The following HS6ST3 variants were observed in gnomAD, a reference collection of about 807,000 sequenced individuals.
HS6ST3 encodes heparan sulfate 6-O-sulfotransferase 3, also known as heparan-sulfate 6-O-sulfotransferase 3.
In HS6ST3, 12 loss-of-function variants were observed where a neutral mutation model predicts 36.7. That is an observed-to-expected ratio of 0.33 (90% CI 0.21 to 0.53). The LOEUF is 0.53. HS6ST3 is among the 20% of genes least tolerant of loss of function. HS6ST3 has a pLI of 0.95. For synonymous variants in HS6ST3, 240 were observed against 257.5 expected, an observed-to-expected ratio of 0.93 and a Z score of 0.65; for missense variants, 584 against 640.9, an observed-to-expected ratio of 0.91 and a Z score of 0.96.
At chr13:96,461,225 G>A (rs2055782540) in intron 1 of HS6ST3, among the ~76,000 whole-genome samples, 1 of 152,158 alleles carries the variant, frequency 6.6e-6, no homozygotes, top group African/African-American at 2.4e-5. Flanking sequence ...GTATTTTTAT[G>A]TGCCAGACGT....
At chr13:96,525,091 A>C (rs1276531384) in intron 1 of HS6ST3, among the ~76,000 whole-genome samples, 7 of 151,894 alleles carry the variant, frequency 4.6e-5, no homozygotes, top group Non-Finnish European at 8.8e-5. Flanking sequence ...TTATCATCTG[A>C]ATAATTTTTT....
intron 1 of HS6ST3, among the ~76,000 whole-genome samples, chr13:96,146,314 A>T (rs1371019708): frequency 2.0e-5 from 3 of 151,984 alleles, no homozygotes; most frequent in Non-Finnish European, 2.9e-5. Flanking sequence ...GTTTGTTTGT[A>T]TCCTCTTTTA....
At chr13:96,827,457 T>C (rs1448003799) in intron 1 of HS6ST3, among the ~76,000 whole-genome samples, 1 of 152,216 alleles carries the variant, frequency 6.6e-6, no homozygotes, top group African/African-American at 2.4e-5. Context: ...TAACTTTCTA[T>C]TTAGTCTGCT....
At chr13:96,326,665 T>A (rs1327722828) in intron 1 of HS6ST3, among the ~76,000 whole-genome samples, 2 of 152,122 alleles carry the variant, frequency 1.3e-5, no homozygotes, top group Non-Finnish European at 2.9e-5. Context: ...TTATAGCACC[T>A]TGTTCTGTAA....
intron 1 of HS6ST3, among the ~76,000 whole-genome samples, chr13:96,554,254 G>A (rs1283398725): frequency 6.6e-6 from 1 of 152,136 alleles, no homozygotes; most frequent in East Asian, 1.9e-4. Flanking sequence ...TAACAGCCAG[G>A]AAAGTGTGTT....
rs1877810775 is a variant in HS6ST3 at position 96,792,342 on chromosome 13, C to T, written c.708-40148C>T. Among the ~76,000 whole-genome samples the T allele has an allele frequency of 2.0e-5, 3 of 151,834 alleles. No homozygotes were observed. The South Asian group carries it at 6.2e-4, about 32-fold the overall frequency. The stretch of plus-strand genomic sequence containing the variant: ...TTCTTGGGAGCTCACAGCCCTAGCA[C>T]ATCTTGACATTTTGAAAAAAACTAA... On this transcript the variant is annotated intron_variant, in intron 1 of 1. Coordinates refer to ENST00000376705, the MANE Select transcript of HS6ST3 (RefSeq NM_153456.4).
chr13:96,701,395 G>A (rs765047877), intron 1 of HS6ST3, among the ~76,000 whole-genome samples: 19 of 152,066 alleles, frequency 1.2e-4, no homozygotes, highest in Non-Finnish European at 2.1e-4. Context: ...TCCTAATTAT[G>A]GTATTTAAGA....
intron 1 of HS6ST3, among the ~76,000 whole-genome samples, chr13:96,723,189 C>T (rs1342742722): frequency 6.6e-6 from 1 of 152,024 alleles, no homozygotes; most frequent in Non-Finnish European, 1.5e-5. Flanking sequence ...GGTCATGATA[C>T]GAAATTATGG....
chr13:96,232,066 A>G (rs905360922), intron 1 of HS6ST3, among the ~76,000 whole-genome samples: 1 of 152,198 alleles, frequency 6.6e-6, no homozygotes, highest in African/African-American at 2.4e-5. Context: ...AATGTGCCGC[A>G]TTGACCAGAT....
At chr13:96,147,376 A>C (rs2054063305) in intron 1 of HS6ST3, among the ~76,000 whole-genome samples, 1 of 152,206 alleles carries the variant, frequency 6.6e-6, no homozygotes, top group Non-Finnish European at 1.5e-5. Context: ...GGTTGTCACG[A>C]TAAGAAGTCG....
intron 1 of HS6ST3, among the ~76,000 whole-genome samples, chr13:96,332,176 C>T (rs2055074363): frequency 6.6e-6 from 1 of 152,202 alleles, no homozygotes; most frequent in Admixed American, 6.5e-5. Flanking sequence ...TAGACCAGAG[C>T]TGTTCCTATT....
chr13:96,334,729 A>C (rs967196309), intron 1 of HS6ST3, among the ~76,000 whole-genome samples: 1 of 152,062 alleles, frequency 6.6e-6, no homozygotes, highest in Non-Finnish European at 1.5e-5. Context: ...GTATGGGGGA[A>C]ACCGCCCCCA....
intron 1 of HS6ST3, among the ~76,000 whole-genome samples, chr13:96,495,989 G>C (rs865909705): frequency 6.6e-6 from 1 of 152,296 alleles, no homozygotes; most frequent in South Asian, 2.1e-4. Flanking sequence ...CCTCAACCCC[G>C]TGTTAATTGG....
intron 1 of HS6ST3, among the ~76,000 whole-genome samples, chr13:96,492,421 G>A (rs1445551626): frequency 6.6e-6 from 1 of 152,184 alleles, no homozygotes; most frequent in Non-Finnish European, 1.5e-5. Flanking sequence ...TGTGTTGTAA[G>A]CACATCTACC....
chr13:96,509,146 CA>C (rs1219240021), intron 1 of HS6ST3, among the ~76,000 whole-genome samples: 2 of 151,990 alleles, frequency 1.3e-5, no homozygotes, highest in African/African-American at 4.8e-5. Context: ...GCCATTTGTA[CA>C]TCTTCTTTTG....
chr13:96,287,294 CT>C (rs1234516636), intron 1 of HS6ST3, among the ~76,000 whole-genome samples: 1 of 152,120 alleles, frequency 6.6e-6, no homozygotes, highest in Non-Finnish European at 1.5e-5. Context: ...CTCTGATTTA[CT>C]TCAAGGAGTC....
At chr13:96,608,563 T>G (rs1263438554) in intron 1 of HS6ST3, among the ~76,000 whole-genome samples, 1 of 152,184 alleles carries the variant, frequency 6.6e-6, no homozygotes, top group Non-Finnish European at 1.5e-5. Context: ...ATGTGTTCTG[T>G]AAAATCCGGA....
intron 1 of HS6ST3, among the ~76,000 whole-genome samples, chr13:96,818,611 A>T (rs1302745090): frequency 2.0e-5 from 3 of 152,216 alleles, no homozygotes; most frequent in African/African-American, 7.2e-5. Flanking sequence ...TAAAGATGGT[A>T]TCTGTTTCCT....
intron 1 of HS6ST3, among the ~76,000 whole-genome samples, chr13:96,803,155 C>G (rs958899942): frequency 2.0e-5 from 3 of 151,204 alleles, no homozygotes; most frequent in Admixed American, 1.3e-4. Flanking sequence ...TACCTCATTC[C>G]CCCAGTGGAG....
Sources: gnomAD v4.1 joint callset for allele counts (sites outside exome capture counted in the v4.1 genomes callset) on GRCh38, gnomAD v4.1.1 for gene constraint, MANE v1.5 for transcripts, NCBI Gene and HGNC (gene_info 2026-07-23, HGNC 2026-07-21) for gene names.